The following HYDIN variants were observed in gnomAD, a reference collection of about 807,000 sequenced individuals.
The protein encoded by HYDIN is axonemal central pair apparatus protein HYDIN.
In HYDIN, 132 loss-of-function variants were observed where a neutral mutation model predicts 403.9. That is an observed-to-expected ratio of 0.33 (90% CI 0.28 to 0.38). The LOEUF (loss-of-function observed/expected upper bound fraction) is 0.38. HYDIN is among the 10% of genes least tolerant of loss of function. HYDIN has a pLI of 1.00. For missense variants in HYDIN, 2,827 were observed against 5,009.5 expected (o/e 0.56, Z 13.15); for synonymous variants, 1,202 against 1,891.7 (o/e 0.64, Z 9.46).
chr16:70,955,233 G>C (rs1295927923), intron 40 of HYDIN, 142 bp downstream of exon 40: 6 of 472,532 alleles, frequency 1.3e-5, no homozygotes, highest in African/African-American at 2.0e-5. Flanking sequence ...TTCTCCTCTG[G>C]GCTATGAAGT....
At chr16:71,087,386 T>C (rs375159066) in intron 12 of HYDIN, among the ~76,000 whole-genome samples, 187 of 149,682 alleles carry the variant, frequency 1.2e-3, no homozygotes, top group African/African-American at 4.2e-3. Context: ...TCTATGTGTA[T>C]GTCTGTGTCC....
intron 13 of HYDIN, among the ~76,000 whole-genome samples, chr16:71,078,395 A>AT (rs1285092677): frequency 2.7e-4 from 41 of 152,094 alleles, no homozygotes; most frequent in Non-Finnish European, 2.9e-5. Context: ...CATTTCTCCT[A>AT]TTTTTTAAAG....
At chr16:71,194,015 C>T (rs1567435609) in intron 1 of HYDIN, among the ~76,000 whole-genome samples, 1 of 152,238 alleles carries the variant, frequency 6.6e-6, no homozygotes, top group Non-Finnish European at 1.5e-5. Flanking sequence ...ATGTCAAACA[C>T]TGCCTCTTCT....
At chr16:71,037,854 A>G (rs4788733) in intron 18 of HYDIN, among the ~76,000 whole-genome samples, 135 of 151,144 alleles carry the variant, frequency 8.9e-4, no homozygotes, top group African/African-American at 3.2e-3. Context: ...CTAAGGAGAG[A>G]ATCCAGCCTG....
At chr16:71,026,732 T>G (rs1163406274) in intron 20 of HYDIN, among the ~76,000 whole-genome samples, 7 of 152,352 alleles carry the variant, frequency 4.6e-5, no homozygotes, top group African/African-American at 1.7e-4. Flanking sequence ...AAATGCTCTA[T>G]GAAGAAATAA....
chr16:70,945,550 C>T (rs1199209453), intron 41 of HYDIN, among the ~76,000 whole-genome samples: 4 of 152,174 alleles, frequency 2.6e-5, no homozygotes, highest in African/African-American at 4.8e-5. Context: ...TGAGTGAGAT[C>T]GCCTGCAAAG....
intron 64 of HYDIN, among the ~76,000 whole-genome samples, chr16:70,873,725 T>C (rs371309660): frequency 0.032 from 4,834 of 150,578 alleles, 7 homozygotes; most frequent in African/African-American, 0.11. Flanking sequence ...TAAGCTTTAG[T>C]ATAAAAACAC....
At chr16:71,103,080 T>G (rs370063153) in intron 10 of HYDIN, among the ~76,000 whole-genome samples, 1 of 132,932 alleles carries the variant, frequency 7.5e-6, no homozygotes, top group African/African-American at 3.1e-5. Flanking sequence ...GGATAGAGTT[T>G]CTGGATGGGC....
Position 71,205,246 on chromosome 16 carries a change from G to A in HYDIN, c.-23-18328C>T, listed in dbSNP as rs553390862. 1.2e-4 allele frequency among the ~76,000 whole-genome samples: 19 copies of A among 152,306 alleles called. No individual in the cohort carries two copies. In the East Asian group the frequency reaches 1.5e-3, roughly 12 times the overall value. On this transcript the variant is annotated intron_variant, in intron 1 of 85. Transcript: ENST00000393567. The stretch of plus-strand genomic sequence containing the variant: ...ATCATCTGAGAAACCACATTGGGAT[G>A]CATCAGGGCAACAGGGGAAAACAGA...
chr16:70,829,607 C>A lies in HYDIN; in HGVS notation c.14112+11G>T. 6.2e-7 allele frequency: 1 copy of A among 1,611,096 alleles called. No individual in the cohort carries two copies. Among genetic ancestry groups the A allele is most frequent in the African/African-American group, 1.3e-5 (1 of 74,982 alleles). On this transcript the variant is annotated intron_variant, in intron 81 of 85. Transcript: ENST00000393567. ...CAGGAAACCAATGGGGGTGGGGGGA[C>A]CTCAGTCTACCTGGTGCTTGCGGTT...
At position 70,920,830 on chromosome 16, in the gene HYDIN, G is replaced by A; in HGVS notation, c.7546C>T (p.Leu2516=). ...TCCTTCTCCGTGCGCTCCTTCTCCA[G>A]GCGCTCTCTCTCCCGGTCCTTGCGG... ...RGRKDRERER[L]EKERTEKERL... Residue 2516 remains leucine, a synonymous_variant, in exon 46 of 86, where the codon CTG becomes TTG. Coordinates refer to ENST00000393567, the MANE Select transcript of HYDIN (RefSeq NM_001270974.2). 6.4e-7 allele frequency: 1 copy of A among 1,574,404 alleles called. No homozygotes were observed. The highest frequency in any genetic ancestry group is 1.1e-5 in the South Asian group (1 of 87,430).
At chr16:71,223,306 T>C (rs531388140) in intron 1 of HYDIN, among the ~76,000 whole-genome samples, 41 of 152,264 alleles carry the variant, frequency 2.7e-4, no homozygotes, top group Admixed American at 1.6e-3. Context: ...ATTTCTTACC[T>C]TATAAAAAAC....
intron 1 of HYDIN, among the ~76,000 whole-genome samples, chr16:71,196,599 T>C (rs887745081): frequency 2.0e-5 from 3 of 152,146 alleles, no homozygotes; most frequent in African/African-American, 7.2e-5. Context: ...CCATGCTGAA[T>C]AGGGGCTAGG....
chr16:71,046,566 T>A (rs1035475445), intron 18 of HYDIN, among the ~76,000 whole-genome samples: 1 of 152,152 alleles, frequency 6.6e-6, no homozygotes, highest in African/African-American at 2.4e-5. Context: ...AAAGAAGACA[T>A]ACTCCAGGTG....
At position 71,060,673 on chromosome 16, in the gene HYDIN, A is replaced by G; in HGVS notation, c.2377-17T>C. 1.7e-6 allele frequency: 1 copy of G among 599,278 alleles called. No individual in the cohort carries two copies. The highest frequency in any genetic ancestry group is 3.0e-6 in the Non-Finnish European group (1 of 336,684). 37.1% of individuals were successfully genotyped at this position (599,278 alleles called of 1,614,324 possible). ...GTGACATACCTGAGTTCCGCCAGAG[A>G]GAAAGAACACAGGAACAGCTGGAAA... On this transcript the variant is annotated splice_polypyrimidine_tract_variant and intron_variant, in intron 17 of 85. Coordinates refer to ENST00000393567, the MANE Select transcript of HYDIN (RefSeq NM_001270974.2).
At chr16:71,179,906 C>T (rs2086830676) in intron 3 of HYDIN, among the ~76,000 whole-genome samples, 2 of 152,212 alleles carry the variant, frequency 1.3e-5, no homozygotes, top group Admixed American at 1.3e-4. Context: ...CCTGTGAGTT[C>T]ACGGTTGCGC....
At chr16:71,053,751 A>G (rs1039398857) in intron 18 of HYDIN, among the ~76,000 whole-genome samples, 2 of 150,076 alleles carry the variant, frequency 1.3e-5, no homozygotes, top group Admixed American at 6.6e-5. Context: ...AGGAGAATCT[A>G]TGGAACTCCA....
intron 68 of HYDIN, 58 bp downstream of exon 68, chr16:70,863,027 G>C: frequency 6.8e-7 from 1 of 1,464,312 alleles, no homozygotes; most frequent in Non-Finnish European, 9.5e-7. Flanking sequence ...CCATGAACAA[G>C]GCTCTTCTAA....
intron 75 of HYDIN, among the ~76,000 whole-genome samples, chr16:70,841,312 G>A (rs1228008812): frequency 6.6e-6 from 1 of 152,048 alleles, no homozygotes; most frequent in Admixed American, 6.6e-5. Flanking sequence ...AGAGTAGAAA[G>A]ATCTTGTAAC....
Sources: gnomAD v4.1 joint callset for allele counts (sites outside exome capture counted in the v4.1 genomes callset) on GRCh38, gnomAD v4.1.1 for gene constraint, MANE v1.5 for transcripts, NCBI Gene and HGNC (gene_info 2026-07-23, HGNC 2026-07-21) for gene names.